Variants in EBI3 observed in about 807,000 individuals in gnomAD.
The protein encoded by EBI3 is interleukin-27 subunit beta.
EBI3 carries 19 observed loss-of-function variants against 21.3 expected under a neutral mutation model. The observed-to-expected ratio is 0.89, with a 90% CI of 0.62 to 1.31. EBI3 has a LOEUF of 1.31. Ranked by LOEUF, EBI3 falls within the 50% of genes most tolerant of loss-of-function variation. EBI3 has a pLI of 0.00. For missense variants in EBI3, 331 were observed against 314.0 expected, an observed-to-expected ratio of 1.05 and a Z score of -0.41; for synonymous variants, 154 against 131.2, an observed-to-expected ratio of 1.17 and a Z score of -1.19.
rs969039063 is a variant in EBI3 at position 4,229,557 on chromosome 19, C to T, written c.7C>T (p.Pro3Ser). MTPQLLLALVLWA... is the reference protein window; with the variant it reads MTSQLLLALVLWA... ...AGCAGAGCTGGCCGCAGCCATGACCCCGCAGCTTCTCCTGGCCCTTGTCCT... is the reference window on the plus strand; with the variant it reads ...AGCAGAGCTGGCCGCAGCCATGACCTCGCAGCTTCTCCTGGCCCTTGTCCT... Residue 3 changes from proline to serine, a missense_variant, in exon 1 of 5, where the codon CCG (proline) becomes TCG (serine). Physicochemically the swap from Pro to Ser is moderately conservative, Grantham distance 74 (BLOSUM62 -1). Coordinates refer to ENST00000221847, the MANE Select transcript of EBI3 (RefSeq NM_005755.3). 6.2e-7 allele frequency: 1 copy of T among 1,611,246 alleles called. No individual in the cohort carries two copies. Among genetic ancestry groups the T allele is most frequent in the Non-Finnish European group, 8.5e-7 (1 of 1,178,938 alleles).
At chr19:4,230,999 C>A (rs572620458) in intron 1 of EBI3, among the ~76,000 whole-genome samples, 192 bp from the exon 2 acceptor site, 6 of 152,218 alleles carry the variant, frequency 3.9e-5, no homozygotes, top group Non-Finnish European at 5.9e-5. Flanking sequence ...GTAGTCCTCA[C>A]CTAGATGGAT....
At position 4,233,167 on chromosome 19, in the gene EBI3, T is replaced by TGCA. The variant is rs1568355718; in HGVS notation, c.244_246dup (p.Gln82dup). 6.2e-7 allele frequency: 1 copy of TGCA among 1,606,874 alleles called. No individual in the cohort carries two copies. The highest frequency in any genetic ancestry group is 8.5e-7 in the Non-Finnish European group (1 of 1,179,468). On this transcript the variant is annotated inframe_insertion, in exon 3 of 5. Coordinates refer to ENST00000221847, the MANE Select transcript of EBI3 (RefSeq NM_005755.3). ...GCCCGGGGCCACAGCTGGCCCTGCC[T>TGCA]GCAGCAGACGCCAACGTCCACCAGC...
chr19:4,231,246 G>T lies in EBI3; in HGVS notation c.123G>T (p.Pro41=). The change falls in exon 2 of 5, where the codon CCG becomes CCT. Residue 41 remains proline (P), a synonymous_variant. Transcript: ENST00000221847. ...TGCAATGCCGAGCCTCTCGGTACCC[G>T]ATCGCCGTGGATTGCTCCTGGACCC... The part of the protein sequence containing the change: ...PRVQCRASRY[P]IAVDCSWTLP... 6.2e-7 allele frequency: 1 copy of T among 1,612,546 alleles called. No individual in the cohort carries two copies. The highest frequency in any genetic ancestry group is 8.5e-7 in the Non-Finnish European group (1 of 1,179,524).
chr19:4,231,434 C>A (rs751503022), intron 2 of EBI3, 111 bp downstream of exon 2: 1 of 1,379,376 alleles, frequency 7.2e-7, no homozygotes. Flanking sequence ...ACATCCTGAA[C>A]CCCAGGCCTA....
rs771626400 is a variant in EBI3, at chr19:4,234,627, A to G, written c.380-40A>G. 2.5e-6 allele frequency: 4 copies of G among 1,587,796 alleles called. No homozygotes were observed. In the African/African-American group the frequency reaches 5.4e-5, roughly 21 times the overall value. On this transcript the variant is annotated intron_variant, in intron 3 of 4. Coordinates refer to ENST00000221847, the MANE Select transcript of EBI3 (RefSeq NM_005755.3). ...AATGAGTGAATGAATGAATGACTGGACTTACTGTCCCCTGACCCTGCTTCC... is the reference window on the plus strand; with the variant it reads ...AATGAGTGAATGAATGAATGACTGGGCTTACTGTCCCCTGACCCTGCTTCC...
intron 2 of EBI3, 55 bp from the exon 3 acceptor site, chr19:4,233,074 G>A (rs1471304031): frequency 2.1e-6 from 3 of 1,444,892 alleles, no homozygotes; most frequent in East Asian, 5.3e-5. Context: ...GGCAGTAGGA[G>A]GTGCTGAGGC....
intron 1 of EBI3, among the ~76,000 whole-genome samples, chr19:4,229,860 G>GAGCTACACAGACAT (rs967140093): frequency 6.6e-6 from 1 of 152,156 alleles, no homozygotes; most frequent in African/African-American, 2.4e-5. Flanking sequence ...GGTATCCATA[G>GAGCTACACAGACAT]AGCTACACAG....
Position 4,232,657 on chromosome 19 carries a change from A to C in EBI3, c.201-472A>C, listed in dbSNP as rs114637351. 2.8e-3 allele frequency among the ~76,000 whole-genome samples: 423 copies of C among 152,128 alleles called. 3 individuals are homozygous for C. Among genetic ancestry groups the C allele is most frequent in the African/African-American group, 9.5e-3 (395 of 41,512 alleles). On this transcript the variant is annotated intron_variant, in intron 2 of 4. Coordinates refer to ENST00000221847, the MANE Select transcript of EBI3 (RefSeq NM_005755.3). ...GGAAGATCCCTTGAGCCAGGAGTTCAAGGCTATAATGAGCTAGGATCATGC... is the reference window on the plus strand; with the variant it reads ...GGAAGATCCCTTGAGCCAGGAGTTCCAGGCTATAATGAGCTAGGATCATGC...
chr19:4,236,639 A>T (rs1417695627), intron 4 of EBI3, among the ~76,000 whole-genome samples: 2 of 151,098 alleles, frequency 1.3e-5, no homozygotes, highest in Non-Finnish European at 1.5e-5. Context: ...GAAGAGGATT[A>T]TAGGGATCAG....
intron 1 of EBI3, among the ~76,000 whole-genome samples, chr19:4,230,876 T>TA (rs1970775950): frequency 2.0e-5 from 3 of 151,510 alleles, no homozygotes; most frequent in South Asian, 4.2e-4. Flanking sequence ...GACTCCCTCT[T>TA]TAAAAAAAAA....
intron 4 of EBI3, 133 bp from the exon 5 acceptor site, chr19:4,236,803 C>A (rs886432617): frequency 9.1e-7 from 1 of 1,101,972 alleles, no homozygotes; most frequent in Non-Finnish European, 1.2e-6. Context: ...TGGGGCCGCA[C>A]AGCTGGGGCC....
intron 2 of EBI3, 138 bp downstream of exon 2, chr19:4,231,461 C>T: frequency 1.6e-6 from 2 of 1,280,894 alleles, no homozygotes; most frequent in South Asian, 3.7e-5. Flanking sequence ...TCTAGGGCGG[C>T]CCCGTCCAAT....
chr19:4,232,777 A>C (rs1970798945), intron 2 of EBI3, among the ~76,000 whole-genome samples: 1 of 134,690 alleles, frequency 7.4e-6, no homozygotes, highest in African/African-American at 3.7e-5. Flanking sequence ...GGAATGAATT[A>C]ATGAATGAAT....
chr19:4,233,879 CAGTA>C (rs1970813762), intron 3 of EBI3, among the ~76,000 whole-genome samples: 1 of 152,180 alleles, frequency 6.6e-6, no homozygotes, highest in Non-Finnish European at 1.5e-5. Flanking sequence ...ATCACCTCCT[CAGTA>C]AGACCTCTCC....
intron 3 of EBI3, 133 bp from the exon 4 acceptor site, chr19:4,234,534 G>T: frequency 1.4e-6 from 2 of 1,418,014 alleles, no homozygotes; most frequent in Non-Finnish European, 9.5e-7. Flanking sequence ...CTGTACTCCA[G>T]CCTGGGTGAC....
chr19:4,236,992 G>T lies in EBI3; in HGVS notation c.594G>T (p.Arg198Ser). The stretch of plus-strand genomic sequence containing the variant: ...TCAGGGCTGTGCGGCCCCGAGCCAG[G>T]TACTACGTCCAAGTGGCGGCTCAGG... Reference protein sequence around the residue: ...FILRAVRPRARYYVQVAAQDL... With the variant: ...FILRAVRPRASYYVQVAAQDL... Residue 198 changes from arginine to serine, a missense_variant, in exon 5 of 5, where the codon AGG becomes AGT. By Grantham distance (110) the Arg-to-Ser change is moderately radical. Coordinates refer to ENST00000221847, the MANE Select transcript of EBI3 (RefSeq NM_005755.3). 1 of 1,583,480 alleles carries T rather than the reference G, an allele frequency of 6.3e-7. No homozygotes were observed. The highest frequency in any genetic ancestry group is 8.6e-7 in the Non-Finnish European group (1 of 1,161,612).
At chr19:4,236,439 T>A (rs577856587) in intron 4 of EBI3, among the ~76,000 whole-genome samples, 46 of 143,068 alleles carry the variant, frequency 3.2e-4, no homozygotes, top group African/African-American at 1.2e-3. Context: ...AGAGGATGGT[T>A]TGAGCCTGGA....
chr19:4,237,394 G>A lies in EBI3; in HGVS notation c.*306G>A, dbSNP rs1014297412. 6 of 189,642 alleles carry A rather than the reference G, an allele frequency of 3.2e-5. No individual in the cohort carries two copies. Among genetic ancestry groups the A allele is most frequent in the African/African-American group, 1.2e-4 (5 of 42,758 alleles). The allele number at this position is 189,642 out of a possible 1,614,324, so 11.7% of individuals were successfully genotyped here. On this transcript the variant is annotated 3_prime_UTR_variant, in exon 5 of 5. Coordinates refer to ENST00000221847, the MANE Select transcript of EBI3 (RefSeq NM_005755.3). ...GAAAAGAATTGTTGTTGGGCTGGGC[G>A]CAGTGGATCGCACCTGTAATCCCAG...
rs900539379 is a variant in EBI3 at position 4,236,996 on chromosome 19, T to C, written c.598T>C (p.Tyr200His). The change falls in exon 5 of 5, where the codon TAC becomes CAC. Residue 200 changes from tyrosine to histidine, a missense_variant. Physicochemically the swap from Tyr to His is moderately conservative, Grantham distance 83. Coordinates refer to ENST00000221847, the MANE Select transcript of EBI3 (RefSeq NM_005755.3). ...LRAVRPRARY[Y>H]VQVAAQDLTD... ...GGCTGTGCGGCCCCGAGCCAGGTAC[T>C]ACGTCCAAGTGGCGGCTCAGGACCT... 1.9e-6 allele frequency: 3 copies of C among 1,584,622 alleles called. No homozygotes were observed. Among genetic ancestry groups the C allele is most frequent in the African/African-American group, 2.7e-5 (2 of 73,130 alleles).
Sources: allele counts gnomAD v4.1 joint callset (sites outside exome capture counted in the v4.1 genomes callset), GRCh38; gene constraint gnomAD v4.1.1; transcripts MANE v1.5; gene names NCBI Gene and HGNC (gene_info 2026-07-23, HGNC 2026-07-21).